The following SERINC3 variants were observed in gnomAD, a reference collection of about 807,000 sequenced individuals.
SERINC3 encodes serine incorporator 3, also known as tumor differentially expressed protein 1.
In SERINC3, 22 loss-of-function variants were observed where a neutral mutation model predicts 52.1. The observed-to-expected ratio is 0.42, with a 90% confidence interval of 0.30 to 0.60. The LOEUF (loss-of-function observed/expected upper bound fraction) is 0.60. Among genes scored for constraint, SERINC3 ranks in the 20% least tolerant of loss-of-function variants. The probability of loss-of-function intolerance (pLI) is 0.16; values close to 1 mark genes in which losing one functional copy is unlikely to be tolerated. For synonymous variants in SERINC3, 226 were observed against 212.7 expected, an observed-to-expected ratio of 1.06 and a Z score of -0.54; for missense variants, 564 against 584.6, an observed-to-expected ratio of 0.96 and a Z score of 0.36.
chr20:44,512,275 T>C (rs895169530), intron 3 of SERINC3, among the ~76,000 whole-genome samples: 6 of 136,748 alleles, frequency 4.4e-5, no homozygotes, highest in African/African-American at 1.7e-4. Context: ...ATCACGCCAT[T>C]ACACTCCAGC....
Position 44,500,256 on chromosome 20 carries a change from A to T in SERINC3, c.*40T>A, listed in dbSNP as rs201993367. 7.4e-5 allele frequency: 118 copies of T among 1,585,922 alleles called. No individual in the cohort carries two copies. The highest frequency in any genetic ancestry group is 5.2e-4 in the Admixed American group (29 of 55,738). On this transcript the variant is annotated 3_prime_UTR_variant, in exon 10 of 10. Coordinates refer to ENST00000342374, the MANE Select transcript of SERINC3 (RefSeq NM_006811.4). Reference sequence around the variant, plus strand: ...GGTATATGGGTTTTCGGTGAAGGAGACCTTTGTGAGTTCCAGTGGTGTCCT... The same window carrying T: ...GGTATATGGGTTTTCGGTGAAGGAGTCCTTTGTGAGTTCCAGTGGTGTCCT...
At chr20:44,512,245 G>T (rs1319744610) in intron 3 of SERINC3, among the ~76,000 whole-genome samples, 3 of 151,408 alleles carry the variant, frequency 2.0e-5, no homozygotes, top group African/African-American at 7.3e-5. Flanking sequence ...CCCGGGAGGG[G>T]GAGGTTGCAG....
intron 3 of SERINC3, among the ~76,000 whole-genome samples, chr20:44,512,559 GA>G (rs2064355021): frequency 6.6e-6 from 1 of 152,046 alleles, no homozygotes; most frequent in Admixed American, 6.5e-5. Context: ...AAAAATCTAA[GA>G]ACATGAAGCA....
At chr20:44,502,510 G>A (rs2064286075) in intron 8 of SERINC3, among the ~76,000 whole-genome samples, 1 of 150,344 alleles carries the variant, frequency 6.7e-6, no homozygotes, top group African/African-American at 2.5e-5. Context: ...TTGAGACCAG[G>A]AGCTTGAGGC....
rs1233598735 is a variant in SERINC3, at chr20:44,522,040, A to G, written c.-89T>C. The G allele has an allele frequency of 8.9e-6, 12 of 1,352,904 alleles. No homozygotes were observed. The highest frequency in any genetic ancestry group is 1.3e-5 in the South Asian group (1 of 78,596). 83.8% of individuals were successfully genotyped at this position (1,352,904 alleles called of 1,614,324 possible). On this transcript the variant is annotated 5_prime_UTR_variant, in exon 1 of 10. Coordinates refer to ENST00000342374, the MANE Select transcript of SERINC3 (RefSeq NM_006811.4). ...GCTGAGGTGACTCCCCAGAAACATG[A>G]CGGTTTCTCAGGCCGGAAACGCAGC...
rs2064301884 is a variant in SERINC3, at chr20:44,504,886, G to A, written c.789C>T (p.His263=). Residue 263 remains histidine, a synonymous_variant, in exon 7 of 10, where the codon CAC becomes CAT. Transcript: ENST00000342374. ...ACTGCAAGAGGCCGGAGCGAGGCTG[G>A]TGTTCCTATGGAATCAAAAGGAAAA... The part of the protein sequence containing the change: ...IISIHPKIQE[H]QPRSGLLQSS... 1.2e-6 allele frequency: 2 copies of A among 1,612,810 alleles called. No homozygotes were observed. The highest frequency in any genetic ancestry group is 8.5e-7 in the Non-Finnish European group (1 of 1,179,052).
intron 2 of SERINC3, among the ~76,000 whole-genome samples, chr20:44,513,368 C>T (rs1256088205): frequency 6.6e-6 from 1 of 152,030 alleles, no homozygotes; most frequent in Non-Finnish European, 1.5e-5. Context: ...TGCTTATAAT[C>T]CCAGCTACTC....
intron 1 of SERINC3, among the ~76,000 whole-genome samples, chr20:44,515,961 A>G (rs1417763647): frequency 6.6e-6 from 1 of 152,030 alleles, no homozygotes. Context: ...GGCCCACTAA[A>G]CATTTTGAAA....
intron 1 of SERINC3, among the ~76,000 whole-genome samples, chr20:44,515,659 T>C (rs1243379571): frequency 6.7e-6 from 1 of 148,222 alleles, no homozygotes; most frequent in Non-Finnish European, 1.5e-5. Flanking sequence ...GCTTTTTTAT[T>C]TTTTTTTTTT....
chr20:44,510,982 T>C (rs2064343734), intron 4 of SERINC3, among the ~76,000 whole-genome samples: 2 of 151,974 alleles, frequency 1.3e-5, no homozygotes, highest in South Asian at 4.2e-4. Context: ...GGCACGATCT[T>C]GGCACACTGC....
rs534223456 is a variant in SERINC3, at chr20:44,506,529, G to A, written c.783+298C>T. The stretch of plus-strand genomic sequence containing the variant: ...GAACCCAGGAGGCAGAGGTTGCAGT[G>A]AGCCGAGATTGTGCCACTGCACTCC... On this transcript the variant is annotated intron_variant, in intron 6 of 9. Transcript: ENST00000342374. Among the ~76,000 whole-genome samples, 5 of 135,428 alleles carry A rather than the reference G, an allele frequency of 3.7e-5. No individual in the cohort carries two copies. In the East Asian group the frequency reaches 1.2e-3, roughly 33 times the overall value. The allele number at this position is 135,428 out of a possible 152,430, so 88.8% of individuals were successfully genotyped here. A position where few individuals can be genotyped will look rare whatever the true frequency, so the allele number is the denominator to read the frequency against.
intron 6 of SERINC3, among the ~76,000 whole-genome samples, chr20:44,505,099 G>A (rs991109144): frequency 2.0e-5 from 3 of 152,160 alleles, no homozygotes; most frequent in Non-Finnish European, 2.9e-5. Flanking sequence ...GGTTCTCAAC[G>A]CATTTCACAA....
intron 4 of SERINC3, among the ~76,000 whole-genome samples, chr20:44,510,369 TG>T (rs1289881176): frequency 6.6e-6 from 1 of 152,220 alleles, no homozygotes; most frequent in African/African-American, 2.4e-5. Flanking sequence ...GCACAAGAGT[TG>T]TAAGTCCTTA....
intron 6 of SERINC3, 76 bp from the exon 7 acceptor site, chr20:44,504,967 G>C: frequency 9.3e-7 from 1 of 1,075,378 alleles, no homozygotes; most frequent in Non-Finnish European, 1.4e-6. Flanking sequence ...CACTTCTCTG[G>C]AGTTAATTCA....
Position 44,499,723 on chromosome 20 carries a change from C to T in SERINC3, c.*573G>A, listed in dbSNP as rs554673631. The stretch of plus-strand genomic sequence containing the variant: ...AGTGTAAAAAAAGTAAATTAAAAAA[C>T]TCAAGATGTAGAAGCAGTAGCCATA... On this transcript the variant is annotated 3_prime_UTR_variant, in exon 10 of 10. Coordinates refer to ENST00000342374, the MANE Select transcript of SERINC3 (RefSeq NM_006811.4). 3.2e-4 allele frequency: 49 copies of T among 152,372 alleles called. No individual in the cohort carries two copies. Among genetic ancestry groups the T allele is most frequent in the African/African-American group, 1.1e-3 (47 of 41,534 alleles). 9.4% of individuals were successfully genotyped at this position (152,372 alleles called of 1,614,324 possible). A position where few individuals can be genotyped will look rare whatever the true frequency, so the allele number is the denominator to read the frequency against.
Position 44,499,125 on chromosome 20 carries a change from T to A in SERINC3, c.*1171A>T, listed in dbSNP as rs1320539824. Reference sequence around the variant, plus strand: ...TGCTCTCTTCTCTAAGCTATTAAAGTCCAAGACGGCAGAGCCTCTATCATG... The same window carrying A: ...TGCTCTCTTCTCTAAGCTATTAAAGACCAAGACGGCAGAGCCTCTATCATG... On this transcript the variant is annotated 3_prime_UTR_variant, in exon 10 of 10. Transcript: ENST00000342374. 5 of 152,480 alleles carry A rather than the reference T, an allele frequency of 3.3e-5. No homozygotes were observed. The South Asian group carries it at 8.3e-4, about 25-fold the overall frequency. 9.4% of individuals were successfully genotyped at this position (152,480 alleles called of 1,614,324 possible).
At chr20:44,503,761 T>G (rs2075887164) in intron 8 of SERINC3, 54 bp downstream of exon 8, 2 of 1,380,898 alleles carry the variant, frequency 1.4e-6, no homozygotes, top group Non-Finnish European at 1.9e-6. Flanking sequence ...AACAGCTTCT[T>G]CACTTTATTA....
chr20:44,521,046 A>G (rs1288405556), intron 1 of SERINC3, among the ~76,000 whole-genome samples: 1 of 152,182 alleles, frequency 6.6e-6, no homozygotes, highest in Admixed American at 6.5e-5. Context: ...TCCCCTGCAG[A>G]GCTGACTGTT....
intron 8 of SERINC3, among the ~76,000 whole-genome samples, chr20:44,501,744 T>C (rs2064281416): frequency 6.6e-6 from 1 of 152,248 alleles, no homozygotes; most frequent in African/African-American, 2.4e-5. Context: ...CTAGGCTTCC[T>C]TCTGCCACTG....
Sources: allele counts gnomAD v4.1 joint callset (sites outside exome capture counted in the v4.1 genomes callset), GRCh38; gene constraint gnomAD v4.1.1; transcripts MANE v1.5; gene names NCBI Gene and HGNC (gene_info 2026-07-23, HGNC 2026-07-21).